ABCA5: variants seen among roughly 807,000 people sequenced by gnomAD.
ABCA5 encodes cholesterol transporter ABCA5.
In ABCA5, 163 loss-of-function variants were observed where a neutral mutation model predicts 206.0. The ratio of observed to expected loss-of-function variants is 0.79; its 90% CI spans 0.70 to 0.90. The LOEUF is 0.90. Among genes scored for constraint, ABCA5 ranks in the 40% least tolerant of loss-of-function variants. The pLI, the probability that ABCA5 is intolerant of heterozygous loss-of-function variation, is 0.00. For synonymous variants in ABCA5, 609 were observed against 613.8 expected (o/e 0.99, Z 0.11); for missense variants, 1,859 against 1,912.9 (o/e 0.97, Z 0.53).
chr17:69,250,520 A>G lies in ABCA5; in HGVS notation c.4637T>C (p.Leu1546Pro), dbSNP rs2074999742. Residue 1546 changes from leucine to proline, a missense_variant, in exon 36 of 39, where the codon CTT becomes CCT. Transcript: ENST00000392676. ...DWIENLEVDR[L>P]QREIQYIFPN... ...GAAAATATACTGAATTTCTCTTTGAAGGCGGTCTACTTCTAGGTTTTCTAT... is the reference window on the plus strand; with the variant it reads ...GAAAATATACTGAATTTCTCTTTGAGGGCGGTCTACTTCTAGGTTTTCTAT... The G allele has an allele frequency of 6.2e-7, 1 of 1,604,184 alleles. No individual in the cohort carries two copies. Among genetic ancestry groups the G allele is most frequent in the Admixed American group, 1.7e-5 (1 of 57,578 alleles).
intron 36 of ABCA5, 85 bp downstream of exon 36, chr17:69,250,387 T>G: frequency 8.1e-7 from 1 of 1,237,092 alleles, no homozygotes; most frequent in Non-Finnish European, 1.1e-6. Context: ...AATGAAAAGA[T>G]GATTTTTCAC....
At chr17:69,266,748 CA>C (rs1299422956) in intron 23 of ABCA5, among the ~76,000 whole-genome samples, 1 of 149,262 alleles carries the variant, frequency 6.7e-6, no homozygotes, top group East Asian at 1.9e-4. Flanking sequence ...ATAATTTATA[CA>C]TTACTACAAT....
intron 25 of ABCA5, 73 bp downstream of exon 25, chr17:69,261,562 T>C (rs1229661754): frequency 1.4e-6 from 1 of 727,296 alleles, no homozygotes; most frequent in Non-Finnish European, 2.2e-6. Flanking sequence ...GTAACATTTT[T>C]AGTATAATCA....
At position 69,314,442 on chromosome 17, in the gene ABCA5, GA is replaced by G; in HGVS notation, c.-15-13del. The G allele has an allele frequency of 6.5e-7, 1 of 1,530,890 alleles. No homozygotes were observed. The highest frequency in any genetic ancestry group is 9.0e-7 in the Non-Finnish European group (1 of 1,113,778). The allele number at this position is 1,530,890 out of a possible 1,614,324, so 94.8% of individuals were successfully genotyped here. A position where few individuals can be genotyped will look rare whatever the true frequency, so the allele number is the denominator to read the frequency against. ...TTTTCTGAATAAACCTATTAAAGAG[GA>G]AAAACAAACAAACAAACCCGGAGCC... On this transcript the variant is annotated splice_polypyrimidine_tract_variant and intron_variant, in intron 1 of 38. Transcript: ENST00000392676.
At chr17:69,269,326 T>A (rs1450665910) in intron 22 of ABCA5, among the ~76,000 whole-genome samples, 7 of 152,172 alleles carry the variant, frequency 4.6e-5, no homozygotes, top group African/African-American at 1.2e-4. Flanking sequence ...TCTTAAAAGT[T>A]TTACTAAAAA....
At chr17:69,323,061 C>T (rs746279587) in intron 1 of ABCA5, among the ~76,000 whole-genome samples, 3 of 152,150 alleles carry the variant, frequency 2.0e-5, no homozygotes, top group African/African-American at 7.2e-5. Context: ...AGTCTGTCTA[C>T]TTGGGGCTTC....
Position 69,298,748 on chromosome 17 carries a change from C to T in ABCA5, c.1268-1389G>A, listed in dbSNP as rs148869251. ...GACCTGAAACCATAAAAATTTGAGA[C>T]GATAACATCAGAAAAAAGGCAAAGA... On this transcript the variant is annotated intron_variant, in intron 9 of 38. Transcript: ENST00000392676. 4.9e-3 allele frequency among the ~76,000 whole-genome samples: 743 copies of T among 152,012 alleles called. 4 individuals are homozygous for T. Among genetic ancestry groups the T allele is most frequent in the Non-Finnish European group, 6.7e-3 (458 of 67,934 alleles).
At chr17:69,255,655 A>C in intron 30 of ABCA5, 21 bp from the exon 31 acceptor site, 1 of 1,574,510 alleles carries the variant, frequency 6.4e-7, no homozygotes, top group Non-Finnish European at 8.6e-7. Flanking sequence ...TGAAAGAAAA[A>C]AAAATCATAA....
chr17:69,299,132 G>A (rs954780910), intron 9 of ABCA5, among the ~76,000 whole-genome samples: 2 of 152,198 alleles, frequency 1.3e-5, no homozygotes, highest in Non-Finnish European at 2.9e-5. Context: ...TTACTCCTAC[G>A]AGAATGGCCA....
intron 17 of ABCA5, among the ~76,000 whole-genome samples, chr17:69,285,150 T>C (rs2075436534): frequency 6.6e-6 from 1 of 152,094 alleles, no homozygotes; most frequent in South Asian, 2.1e-4. Context: ...ATTGGGATAA[T>C]GAAATAAACT....
At chr17:69,315,896 G>A (rs1389054049) in intron 1 of ABCA5, among the ~76,000 whole-genome samples, 1 of 151,892 alleles carries the variant, frequency 6.6e-6, no homozygotes, top group East Asian at 1.9e-4. Context: ...CTATTTAAGG[G>A]CTTCAGCAAA....
chr17:69,281,750 C>T (rs2075395964), intron 18 of ABCA5, among the ~76,000 whole-genome samples: 1 of 152,112 alleles, frequency 6.6e-6, no homozygotes, highest in African/African-American at 2.4e-5. Flanking sequence ...GACTACCAAA[C>T]CATGAATAAT....
Position 69,260,394 on chromosome 17 carries a change from G to C in ABCA5, c.3583C>G (p.Arg1195Gly). ...GGATTATAGGTGTCCACATTTTTTC[G>C]TACATTCTTCCAAGAAATCTAAGAC... is the stretch of plus-strand genomic sequence containing the variant. ...SFIKISWKNVRKNVDTYNPWD... is the reference protein window; with the variant it reads ...SFIKISWKNVGKNVDTYNPWD... Residue 1195 changes from arginine (R) to glycine (G), a missense_variant, in exon 27 of 39, where the codon CGA (arginine) becomes GGA (glycine). Transcript: ENST00000392676. 1 of 1,604,516 alleles carries C rather than the reference G, an allele frequency of 6.2e-7. No individual in the cohort carries two copies. Among genetic ancestry groups the C allele is most frequent in the Non-Finnish European group, 8.5e-7 (1 of 1,173,632 alleles).
chr17:69,294,075 T>C (rs2075559189), intron 11 of ABCA5, among the ~76,000 whole-genome samples: 1 of 152,206 alleles, frequency 6.6e-6, no homozygotes, highest in Non-Finnish European at 1.5e-5. Context: ...ATGTATTGCA[T>C]ATACATGCAA....
chr17:69,303,797 T>TACAC (rs1230567380), intron 7 of ABCA5, among the ~76,000 whole-genome samples: 114 of 6,516 alleles, frequency 0.017, 15 homozygotes, highest in South Asian at 0.25. Context: ...TATATATATA[T>TACAC]ATATATATAT....
At chr17:69,284,662 T>C (rs1384833638) in intron 17 of ABCA5, among the ~76,000 whole-genome samples, 1 of 152,220 alleles carries the variant, frequency 6.6e-6, no homozygotes, top group Non-Finnish European at 1.5e-5. Flanking sequence ...AATATTGTTT[T>C]ACATTTCTGC....
chr17:69,259,121 A>G (rs1241641715), intron 28 of ABCA5, among the ~76,000 whole-genome samples: 1 of 152,092 alleles, frequency 6.6e-6, no homozygotes, highest in Non-Finnish European at 1.5e-5. Context: ...CCATACAAAC[A>G]GTTGTATACA....
chr17:69,248,419 C>T (rs1568085553), intron 37 of ABCA5, 102 bp from the exon 38 acceptor site: 1 of 658,892 alleles, frequency 1.5e-6, no homozygotes, highest in Non-Finnish European at 2.6e-6. Context: ...CTGTAATCAA[C>T]CCACTTAAAT....
chr17:69,272,401 A>C (rs941039430), intron 20 of ABCA5, among the ~76,000 whole-genome samples: 2 of 152,164 alleles, frequency 1.3e-5, no homozygotes, highest in African/African-American at 4.8e-5. Context: ...ATAAGCAAGC[A>C]ACTCTAAGAA....
Sources: allele counts gnomAD v4.1 joint callset (sites outside exome capture counted in the v4.1 genomes callset), GRCh38; gene constraint gnomAD v4.1.1; transcripts MANE v1.5; gene names NCBI Gene and HGNC (gene_info 2026-07-23, HGNC 2026-07-21).